TYW1: variants seen among roughly 807,000 people sequenced by gnomAD.
TYW1 encodes the protein S-adenosyl-L-methionine-dependent tRNA 4-demethylwyosine synthase TYW1.
TYW1 carries 46 observed loss-of-function variants against 96.2 expected under a neutral mutation model. That is an observed-to-expected ratio of 0.48 (90% CI 0.38 to 0.61). The LOEUF is 0.61. Among genes scored for constraint, TYW1 ranks in the 20% least tolerant of loss-of-function variants. The pLI is 0.00. For missense variants in TYW1, 684 were observed against 909.6 expected (o/e 0.75, Z 3.19); for synonymous variants, 274 against 323.0 (o/e 0.85, Z 1.63).
chr7:67,200,356 A>G (rs1008104884), intron 15 of TYW1, among the ~76,000 whole-genome samples: 2 of 152,132 alleles, frequency 1.3e-5, no homozygotes, highest in Admixed American at 1.3e-4. Context: ...TTATAAAGGA[A>G]AAGAGGTTTA....
At chr7:67,218,441 C>T (rs1262801340) in intron 15 of TYW1, among the ~76,000 whole-genome samples, 2 of 151,832 alleles carry the variant, frequency 1.3e-5, no homozygotes. Flanking sequence ...GCTACTTCCA[C>T]CTCTGAGACT....
chr7:67,238,073 C>A (rs1801950269), intron 15 of TYW1, among the ~76,000 whole-genome samples: 1 of 151,490 alleles, frequency 6.6e-6, no homozygotes, highest in Non-Finnish European at 1.5e-5. Context: ...GTCTTCCGGG[C>A]CCAGCAAAAC....
chr7:67,030,884 G>T (rs556669923), intron 7 of TYW1, among the ~76,000 whole-genome samples: 1 of 151,858 alleles, frequency 6.6e-6, no homozygotes, highest in Non-Finnish European at 1.5e-5. Flanking sequence ...GAACGTAATA[G>T]ATTACATTAC....
chr7:67,033,054 G>A (rs960364068), intron 7 of TYW1, among the ~76,000 whole-genome samples: 4 of 151,338 alleles, frequency 2.6e-5, no homozygotes, highest in African/African-American at 9.7e-5. Context: ...GTACCACCAC[G>A]CCCGGCTAAT....
chr7:67,029,306 T>TA (rs1794565809), intron 7 of TYW1, among the ~76,000 whole-genome samples: 1 of 74,642 alleles, frequency 1.3e-5, no homozygotes, highest in Non-Finnish European at 2.9e-5. Context: ...ACTTAAGATT[T>TA]AAAAAAATGA....
chr7:67,060,277 C>T (rs770629947), intron 9 of TYW1, among the ~76,000 whole-genome samples: 10 of 149,088 alleles, frequency 6.7e-5, no homozygotes, highest in Non-Finnish European at 1.2e-4. Flanking sequence ...GGTTTTGCCA[C>T]GTTGGCCAGG....
chr7:67,134,501 T>G (rs892206912), intron 13 of TYW1, among the ~76,000 whole-genome samples: 1 of 151,168 alleles, frequency 6.6e-6, no homozygotes, highest in Non-Finnish European at 1.5e-5. Flanking sequence ...AAGATCACGC[T>G]ACTGCACTCC....
intron 10 of TYW1, among the ~76,000 whole-genome samples, chr7:67,076,256 C>T (rs1796198068): frequency 6.6e-6 from 1 of 152,176 alleles, no homozygotes; most frequent in Admixed American, 6.5e-5. Flanking sequence ...TTATAAATGT[C>T]CCTGTCTCCT....
At chr7:67,128,127 A>G (rs116210943) in intron 13 of TYW1, among the ~76,000 whole-genome samples, 5,131 of 152,164 alleles carry the variant, frequency 0.034, 257 homozygotes, top group African/African-American at 0.12. Flanking sequence ...TTCAAATACT[A>G]CTTTTGTTCT....
intron 13 of TYW1, among the ~76,000 whole-genome samples, chr7:67,128,516 C>G (rs1274792916): frequency 6.6e-6 from 1 of 152,082 alleles, no homozygotes; most frequent in African/African-American, 2.4e-5. Flanking sequence ...TGGTTTGGAT[C>G]CTTGTGCTAT....
chr7:67,233,912 C>G (rs188314151), intron 15 of TYW1, among the ~76,000 whole-genome samples: 1 of 135,286 alleles, frequency 7.4e-6, no homozygotes, highest in Non-Finnish European at 1.6e-5. Context: ...TTTGTGGCCC[C>G]CCTCCCCTCC....
Position 67,170,659 on chromosome 7 carries a change from T to G in TYW1, c.1699-12467T>G, listed in dbSNP as rs1799488725. Among the ~76,000 whole-genome samples the G allele has an allele frequency of 8.5e-5, 13 of 152,300 alleles. 1 individual carries two copies. The South Asian group carries it at 2.7e-3, about 32-fold the overall frequency. Reference sequence around the variant, plus strand: ...AATCCTGTACCCATTAAGCAGTTACTCCCCATACCTCGTAAACCAGTCCCT... The same window carrying G: ...AATCCTGTACCCATTAAGCAGTTACGCCCCATACCTCGTAAACCAGTCCCT... On this transcript the variant is annotated intron_variant, in intron 13 of 15. Coordinates refer to ENST00000359626, the MANE Select transcript of TYW1 (RefSeq NM_018264.4).
At chr7:67,102,658 T>G (rs1797120230) in intron 12 of TYW1, among the ~76,000 whole-genome samples, 2 of 149,398 alleles carry the variant, frequency 1.3e-5, no homozygotes, top group South Asian at 4.2e-4. Context: ...CTTTTGGAAT[T>G]TTTTTTTTTT....
rs1801164259 is a variant in TYW1 at position 67,215,232 on chromosome 7, T to C, written c.1977+19895T>C. Among the ~76,000 whole-genome samples the C allele has an allele frequency of 8.6e-5, 13 of 151,368 alleles. No homozygotes were observed. The South Asian group carries it at 2.7e-3, about 32-fold the overall frequency. The stretch of plus-strand genomic sequence containing the variant: ...CTTCCTCTCTGGGCTCTTTTTGCAT[T>C]TTAATTTTTCAAATCACCTGCTGTA... On this transcript the variant is annotated intron_variant, in intron 15 of 15. Coordinates refer to ENST00000359626, the MANE Select transcript of TYW1 (RefSeq NM_018264.4).
chr7:67,031,110 T>C, intron 7 of TYW1, among the ~76,000 whole-genome samples: 1 of 136,872 alleles, frequency 7.3e-6, no homozygotes, highest in Non-Finnish European at 1.6e-5. Flanking sequence ...GGAGAATCAC[T>C]TGAACCCGGG....
chr7:67,007,310 G>A (rs1476344098), intron 3 of TYW1, among the ~76,000 whole-genome samples: 1 of 152,064 alleles, frequency 6.6e-6, no homozygotes, highest in Non-Finnish European at 1.5e-5. Flanking sequence ...AACAACTGGA[G>A]CTCTTGAGCC....
At chr7:67,029,393 G>A (rs1794571602) in intron 7 of TYW1, among the ~76,000 whole-genome samples, 1 of 70,410 alleles carries the variant, frequency 1.4e-5, no homozygotes, top group African/African-American at 5.5e-5. Flanking sequence ...GTGTGTGTGT[G>A]TGTGTGTGTG....
intron 11 of TYW1, among the ~76,000 whole-genome samples, chr7:67,094,519 T>A (rs1221494616): frequency 6.6e-6 from 1 of 152,216 alleles, no homozygotes; most frequent in African/African-American, 2.4e-5. Flanking sequence ...CTGACTAGTA[T>A]AAGATGATAT....
At chr7:67,231,594 G>A (rs1381251099) in intron 15 of TYW1, among the ~76,000 whole-genome samples, 10 of 152,168 alleles carry the variant, frequency 6.6e-5, no homozygotes, top group African/African-American at 2.4e-4. Flanking sequence ...CCCCCTTTGA[G>A]GTTGGACCTG....
Sources: gnomAD v4.1 joint callset for allele counts (sites outside exome capture counted in the v4.1 genomes callset) on GRCh38, gnomAD v4.1.1 for gene constraint, MANE v1.5 for transcripts, NCBI Gene and HGNC (gene_info 2026-07-23, HGNC 2026-07-21) for gene names.